The following SLC30A9 variants were observed in gnomAD, a reference collection of about 807,000 sequenced individuals.
SLC30A9 encodes the protein solute carrier family 30 member 9, also known as proton-coupled zinc antiporter SLC30A9, mitochondrial.
SLC30A9 carries 58 observed loss-of-function variants against 87.5 expected under a neutral mutation model. The observed-to-expected ratio is 0.66, with a 90% CI of 0.54 to 0.82. The LOEUF (loss-of-function observed/expected upper bound fraction) is 0.82. SLC30A9 is among the 40% of genes least tolerant of loss of function. SLC30A9 has a pLI of 0.00. For missense variants in SLC30A9, 557 were observed against 679.1 expected (o/e 0.82, Z 2.00); for synonymous variants, 234 against 233.0 (o/e 1.00, Z -0.04).
At chr4:42,031,882 A>G (rs573795883) in intron 6 of SLC30A9, among the ~76,000 whole-genome samples, 2 of 152,290 alleles carry the variant, frequency 1.3e-5, no homozygotes, top group Admixed American at 1.3e-4. Context: ...AATATTTGCT[A>G]TCTAGCTGTT....
At chr4:42,043,826 C>T (rs7340764) in intron 8 of SLC30A9, among the ~76,000 whole-genome samples, 2,989 of 152,268 alleles carry the variant, frequency 0.02, 100 homozygotes, top group African/African-American at 0.068. Context: ...AGAGAAAGGT[C>T]GGGTTACCCA....
At chr4:42,037,636 G>A (rs1252945131) in intron 7 of SLC30A9, among the ~76,000 whole-genome samples, 1 of 151,960 alleles carries the variant, frequency 6.6e-6, no homozygotes, top group African/African-American at 2.4e-5. Flanking sequence ...CAATATTAAA[G>A]AACCTTGTTT....
chr4:42,052,020 T>C lies in SLC30A9; in HGVS notation c.840+2541T>C, dbSNP rs541392842. ...TATGATATATATAAAAATGATATTA[T>C]ATCATAAGTGAGTAAGATTTCAGGA... On this transcript the variant is annotated intron_variant, in intron 9 of 17. Transcript: ENST00000264451. Among the ~76,000 whole-genome samples, 414 of 150,674 alleles carry C rather than the reference T, an allele frequency of 2.7e-3. 1 individual carries two copies. Among genetic ancestry groups the C allele is most frequent in the Non-Finnish European group, 5.0e-3 (339 of 67,680 alleles).
In SLC30A9 at chr4:42,087,951, G is replaced by T; in HGVS notation, c.*1825G>T. ...AATTACTCATTTTTTTTCCCAAGAC[G>T]ACCCTCAAAGTTAATGTGCAGCAGG... On this transcript the variant is annotated 3_prime_UTR_variant, in exon 18 of 18. Transcript: ENST00000264451. The T allele has an allele frequency of 6.7e-6, 1 of 148,908 alleles. No homozygotes were observed. Among genetic ancestry groups the T allele is most frequent in the Non-Finnish European group, 1.5e-5 (1 of 67,544 alleles). The allele number at this position is 148,908 out of a possible 1,614,324, so 9.2% of individuals were successfully genotyped here. A position where few individuals can be genotyped will look rare whatever the true frequency, so the allele number is the denominator to read the frequency against.
intron 4 of SLC30A9, 86 bp downstream of exon 4, chr4:42,020,601 A>G (rs1251025836): frequency 3.0e-6 from 2 of 659,240 alleles, no homozygotes; most frequent in East Asian, 3.0e-5. Context: ...ACCTGCTACC[A>G]TCCATATATG....
In SLC30A9 at chr4:42,086,783, T is replaced by C. The variant is rs1718938357; in HGVS notation, c.*657T>C. 6.6e-6 allele frequency: 1 copy of C among 152,624 alleles called. No individual in the cohort carries two copies. The highest frequency in any genetic ancestry group is 2.1e-4 in the South Asian group (1 of 4,832). 9.5% of individuals were successfully genotyped at this position (152,624 alleles called of 1,614,324 possible). A position where few individuals can be genotyped will look rare whatever the true frequency, so the allele number is the denominator to read the frequency against. On this transcript the variant is annotated 3_prime_UTR_variant, in exon 18 of 18. Transcript: ENST00000264451. ...CTCTTTTAGGTCATAGTAGTTGCCATTTTGTAAAATTTCTTTTTTCTTCTT... is the reference window on the plus strand; with the variant it reads ...CTCTTTTAGGTCATAGTAGTTGCCACTTTGTAAAATTTCTTTTTTCTTCTT...
At chr4:42,063,380 G>A (rs781343990) in intron 11 of SLC30A9, among the ~76,000 whole-genome samples, 6 of 152,204 alleles carry the variant, frequency 3.9e-5, no homozygotes, top group Admixed American at 3.9e-4. Flanking sequence ...ATCTTGGGCA[G>A]TTCCACTAAT....
chr4:42,077,832 A>G lies in SLC30A9; in HGVS notation c.1549-380A>G, dbSNP rs569725463. 1.8e-3 allele frequency among the ~76,000 whole-genome samples: 280 copies of G among 151,948 alleles called. 1 individual carries two copies. The highest frequency in any genetic ancestry group is 1.8e-3 in the Non-Finnish European group (119 of 67,970). On this transcript the variant is annotated intron_variant, in intron 16 of 17. Coordinates refer to ENST00000264451, the MANE Select transcript of SLC30A9 (RefSeq NM_006345.4). The stretch of plus-strand genomic sequence containing the variant: ...ATGAAAAATCCTTCCATATCCCATT[A>G]TCATAAAAATATTCTCTTCTCATCT...
At position 42,018,143 on chromosome 4, in the gene SLC30A9, C is replaced by A; in HGVS notation, c.307C>A (p.Leu103Ile). Reference protein sequence around the residue: ...EGIGTELKAPLKQEPLQVRVK... With the variant: ...EGIGTELKAPIKQEPLQVRVK... Reference sequence around the variant, plus strand: ...TATAGGCACAGAACTCAAAGCTCCACTTAAGCAAGAACCTCTCCAAGTAAG... The same window carrying A: ...TATAGGCACAGAACTCAAAGCTCCAATTAAGCAAGAACCTCTCCAAGTAAG... Residue 103 changes from leucine to isoleucine, a missense_variant, in exon 3 of 18, where the codon CTT becomes ATT. This residue lies in a region of SLC30A9 where 467 missense variants were observed against 529.8 expected (regional missense o/e 0.88). Transcript: ENST00000264451. 6.4e-7 allele frequency: 1 copy of A among 1,569,724 alleles called. No homozygotes were observed. Among genetic ancestry groups the A allele is most frequent in the Non-Finnish European group, 8.7e-7 (1 of 1,142,874 alleles).
Position 42,001,768 on chromosome 4 carries a change from TCA to T in SLC30A9, c.263_264del (p.Ser88PhefsTer2), listed in dbSNP as rs747404362. 1.2e-6 allele frequency: 2 copies of T among 1,608,316 alleles called. No homozygotes were observed. The highest frequency in any genetic ancestry group is 2.2e-5 in the South Asian group (2 of 90,146). On this transcript the variant is annotated frameshift_variant, in exon 2 of 18. Transcript: ENST00000264451. LOFTEE classifies it high-confidence loss of function. ...AACACTCAGAGTGGAAAAAGTACCA[TCA>T]TTTGAAACAGGTATGTGTAATTTTT... ...SQTLRVEKVP[S>X]FETAEGIGTE... is the part of the protein sequence containing the mutation.
At position 42,022,224 on chromosome 4, in the gene SLC30A9, C is replaced by T. The variant is rs184030828; in HGVS notation, c.435-614C>T. On this transcript the variant is annotated intron_variant, in intron 4 of 17. Transcript: ENST00000264451. ...TGCTGGGATTACAGGTGTGAGCTAC[C>T]GCACCTTGCTTATTTTTCACTTTTT... Among the ~76,000 whole-genome samples the T allele has an allele frequency of 3.7e-3, 552 of 149,638 alleles. 1 individual carries two copies. The highest frequency in any genetic ancestry group is 6.6e-3 in the Admixed American group (99 of 14,900).
At chr4:42,064,432 TTAA>T (rs139338316) in intron 11 of SLC30A9, among the ~76,000 whole-genome samples, 7,086 of 152,304 alleles carry the variant, frequency 0.047, 226 homozygotes, top group Middle Eastern at 0.099. Flanking sequence ...GCAAATCTAC[TTAA>T]TAACAAGCAC....
At chr4:42,023,944 G>C (rs1317585945) in intron 6 of SLC30A9, among the ~76,000 whole-genome samples, 7 of 152,122 alleles carry the variant, frequency 4.6e-5, no homozygotes, top group Non-Finnish European at 2.9e-5. Flanking sequence ...AGTATCATGA[G>C]AACAGTATGG....
intron 8 of SLC30A9, among the ~76,000 whole-genome samples, chr4:42,042,505 G>A (rs979516358): frequency 6.6e-6 from 1 of 152,166 alleles, no homozygotes; most frequent in Non-Finnish European, 1.5e-5. Flanking sequence ...AGCCACTGTA[G>A]CCAGACTGCC....
chr4:41,993,850 A>AT (rs1353234147), intron 1 of SLC30A9, among the ~76,000 whole-genome samples: 1 of 152,180 alleles, frequency 6.6e-6, no homozygotes, highest in Non-Finnish European at 1.5e-5. Flanking sequence ...GTATACAACC[A>AT]TTTTTTTAAA....
At chr4:42,007,319 A>C (rs1715250706) in intron 2 of SLC30A9, among the ~76,000 whole-genome samples, 1 of 152,174 alleles carries the variant, frequency 6.6e-6, no homozygotes. Context: ...CCAGAGCTGG[A>C]GTATATTTTA....
At chr4:42,022,955 A>C (rs1035534802) in intron 5 of SLC30A9, 25 bp downstream of exon 5, 1 of 1,368,600 alleles carries the variant, frequency 7.3e-7, no homozygotes, top group Admixed American at 2.2e-5. Flanking sequence ...CTTTCAGAAT[A>C]AAAGTGCAAA....
At chr4:42,081,452 A>G (rs1468215037) in intron 17 of SLC30A9, among the ~76,000 whole-genome samples, 1 of 152,212 alleles carries the variant, frequency 6.6e-6, no homozygotes, top group Non-Finnish European at 1.5e-5. Flanking sequence ...TAGTAAAAAA[A>G]GCAAAGAATG....
At chr4:42,049,029 C>T (rs1020826068) in intron 8 of SLC30A9, among the ~76,000 whole-genome samples, 1 of 152,166 alleles carries the variant, frequency 6.6e-6, no homozygotes, top group Admixed American at 6.5e-5. Context: ...GTGGCACGAT[C>T]ATAGCTCACT....
Sources: allele counts gnomAD v4.1 joint callset (sites outside exome capture counted in the v4.1 genomes callset), GRCh38; gene constraint gnomAD v4.1.1; regional missense constraint gnomAD v4.1.1; transcripts MANE v1.5; gene names NCBI Gene and HGNC (gene_info 2026-07-23, HGNC 2026-07-21).